The following WDFY2 variants were observed in gnomAD, a reference collection of about 807,000 sequenced individuals.
WDFY2 encodes the protein WD repeat and FYVE domain containing 2, also known as WD repeat and FYVE domain-containing protein 2.
Under a neutral mutation model 56.4 loss-of-function variants are expected in WDFY2, and 36 were observed. The observed-to-expected ratio is 0.64, with a 90% confidence interval of 0.49 to 0.84. The LOEUF (loss-of-function observed/expected upper bound fraction) is 0.84, where lower values mean the gene tolerates loss of function less well. Ranked by LOEUF, WDFY2 falls within the 40% of genes least tolerant of loss-of-function variation. WDFY2 has a pLI of 0.00. For missense variants in WDFY2, 444 were observed against 512.2 expected (o/e 0.87, Z 1.29); for synonymous variants, 176 against 183.7 (o/e 0.96, Z 0.34).
intron 3 of WDFY2, among the ~76,000 whole-genome samples, chr13:51,676,780 C>T (rs1294999682): frequency 6.6e-6 from 1 of 151,896 alleles, no homozygotes; most frequent in Non-Finnish European, 1.5e-5. Flanking sequence ...TTGAGGAGAG[C>T]CATTTTTAAA....
intron 5 of WDFY2, among the ~76,000 whole-genome samples, chr13:51,725,017 G>C (rs536311102): frequency 6.6e-6 from 1 of 152,280 alleles, no homozygotes; most frequent in South Asian, 2.1e-4. Flanking sequence ...TTCAGAGATA[G>C]CTAAGAAGTA....
At chr13:51,654,974 A>G (rs1425798058) in intron 1 of WDFY2, among the ~76,000 whole-genome samples, 1 of 152,104 alleles carries the variant, frequency 6.6e-6, no homozygotes, top group Non-Finnish European at 1.5e-5. Context: ...TATATATGTA[A>G]AGTGTTTTGG....
intron 6 of WDFY2, among the ~76,000 whole-genome samples, chr13:51,736,960 A>T (rs971736421): frequency 1.3e-5 from 2 of 152,168 alleles, no homozygotes; most frequent in South Asian, 4.1e-4. Context: ...AGCCTTTCTA[A>T]TCATTCTTTT....
intron 1 of WDFY2, among the ~76,000 whole-genome samples, chr13:51,614,910 C>T (rs1343746677): frequency 6.6e-6 from 1 of 152,172 alleles, no homozygotes; most frequent in Non-Finnish European, 1.5e-5. Context: ...GGGTGTTTTG[C>T]TGGGTTCTTT....
intron 6 of WDFY2, among the ~76,000 whole-genome samples, chr13:51,733,021 C>A (rs978459672): frequency 1.3e-5 from 2 of 152,048 alleles, no homozygotes; most frequent in African/African-American, 4.8e-5. Flanking sequence ...TAAAGGGAGG[C>A]TTCCCAAATA....
rs756912995 is a variant in WDFY2 at position 51,739,087 on chromosome 13, G to A, written c.637G>A (p.Val213Met). Reference sequence around the variant, plus strand: ...TCTCTGTTGGGACCCAGTCCAGCGGGTGTTGTTCTCAGGCAGTTCAGATCA... The same window carrying A: ...TCTCTGTTGGGACCCAGTCCAGCGGATGTTGTTCTCAGGCAGTTCAGATCA... ...TALCWDPVQR[V>M]LFSGSSDHSV... is the part of the protein sequence containing the mutation. Residue 213 changes from valine to methionine, a missense_variant, in exon 7 of 12, where the codon GTG (valine) becomes ATG (methionine). Val to Met is a conservative substitution (Grantham distance 21, BLOSUM62 1). Coordinates refer to ENST00000298125, the MANE Select transcript of WDFY2 (RefSeq NM_052950.4). The A allele has an allele frequency of 4.4e-6, 7 of 1,602,196 alleles. No homozygotes were observed. The highest frequency in any genetic ancestry group is 3.4e-5 in the South Asian group (3 of 88,032).
chr13:51,650,418 C>G (rs1296500108), intron 1 of WDFY2, among the ~76,000 whole-genome samples: 1 of 152,168 alleles, frequency 6.6e-6, no homozygotes, highest in African/African-American at 2.4e-5. Flanking sequence ...CCTTCTCCTG[C>G]CCGATTGCCC....
rs76636192 is a variant in WDFY2, at chr13:51,662,812, G to C, written c.205+2149G>C. Among the ~76,000 whole-genome samples, 761 of 152,276 alleles carry C rather than the reference G, an allele frequency of 5.0e-3. 4 individuals carry two copies. The highest frequency in any genetic ancestry group is 0.016 in the African/African-American group (677 of 41,556). Reference sequence around the variant, plus strand: ...TTCCTTATGACTGAACAAGAACTTTGAGAAAGAGGACCTTGTGATTATTTG... The same window carrying C: ...TTCCTTATGACTGAACAAGAACTTTCAGAAAGAGGACCTTGTGATTATTTG... On this transcript the variant is annotated intron_variant, in intron 2 of 11. Coordinates refer to ENST00000298125, the MANE Select transcript of WDFY2 (RefSeq NM_052950.4).
At chr13:51,663,715 C>T (rs903141191) in intron 2 of WDFY2, among the ~76,000 whole-genome samples, 7 of 152,146 alleles carry the variant, frequency 4.6e-5, no homozygotes, top group African/African-American at 1.7e-4. Flanking sequence ...GTAGTCCTTC[C>T]TATTGAGAGG....
chr13:51,742,279 G>A (rs529786880), intron 7 of WDFY2, among the ~76,000 whole-genome samples: 2 of 152,332 alleles, frequency 1.3e-5, no homozygotes, highest in African/African-American at 4.8e-5. Context: ...CAAAGAAAGT[G>A]ATTGATGACA....
intron 3 of WDFY2, among the ~76,000 whole-genome samples, chr13:51,692,945 T>G (rs969245281): frequency 1.2e-4 from 18 of 152,222 alleles, no homozygotes; most frequent in African/African-American, 4.1e-4. Context: ...GTTGAGGAAT[T>G]TATCCATTTC....
intron 1 of WDFY2, among the ~76,000 whole-genome samples, chr13:51,656,617 C>G (rs766429337): frequency 6.6e-6 from 1 of 151,960 alleles, no homozygotes; most frequent in African/African-American, 2.4e-5. Flanking sequence ...TTTCTCCCTT[C>G]AGTTCTGTCA....
intron 1 of WDFY2, among the ~76,000 whole-genome samples, chr13:51,649,907 T>C (rs923764465): frequency 7.9e-5 from 12 of 152,182 alleles, no homozygotes; most frequent in African/African-American, 2.9e-4. Flanking sequence ...GCGGGCTCTT[T>C]TTTGGTTCCA....
intron 1 of WDFY2, among the ~76,000 whole-genome samples, chr13:51,601,271 G>A (rs1355315460): frequency 3.9e-5 from 6 of 152,144 alleles, no homozygotes; most frequent in Non-Finnish European, 7.4e-5. Context: ...TCTCAGGGAG[G>A]AAGTGGAAAA....
intron 1 of WDFY2, among the ~76,000 whole-genome samples, chr13:51,603,512 A>T (rs1307385357): frequency 6.6e-6 from 1 of 152,192 alleles, no homozygotes; most frequent in Admixed American, 6.5e-5. Context: ...CAACCTGGCC[A>T]TACTTTCTCT....
chr13:51,653,452 C>T (rs1313157965), intron 1 of WDFY2, among the ~76,000 whole-genome samples: 1 of 152,184 alleles, frequency 6.6e-6, no homozygotes, highest in Non-Finnish European at 1.5e-5. Context: ...TGAGGAGCTG[C>T]GTTCCTTTGG....
chr13:51,625,656 G>T (rs914188063), intron 1 of WDFY2, among the ~76,000 whole-genome samples: 1 of 152,216 alleles, frequency 6.6e-6, no homozygotes, highest in African/African-American at 2.4e-5. Flanking sequence ...TGGCAGTCAT[G>T]TATAGAATAA....
chr13:51,614,280 A>G (rs1201955629), intron 1 of WDFY2, among the ~76,000 whole-genome samples: 6 of 152,024 alleles, frequency 3.9e-5, no homozygotes, highest in Non-Finnish European at 7.4e-5. Context: ...ATCTCAAGCT[A>G]TGAAAATGAA....
chr13:51,676,481 A>G (rs1438349699), intron 3 of WDFY2, among the ~76,000 whole-genome samples: 1 of 152,226 alleles, frequency 6.6e-6, no homozygotes, highest in Admixed American at 6.5e-5. Flanking sequence ...TATTTTATTT[A>G]ATAGTTCAAC....
Sources: allele counts gnomAD v4.1 joint callset (sites outside exome capture counted in the v4.1 genomes callset), GRCh38; gene constraint gnomAD v4.1.1; transcripts MANE v1.5; gene names NCBI Gene and HGNC (gene_info 2026-07-23, HGNC 2026-07-21).